The following KCNQ1 variants were observed in gnomAD, a reference collection of about 807,000 sequenced individuals.
The protein encoded by KCNQ1 is potassium voltage-gated channel subfamily Q member 1, also known as potassium voltage-gated channel subfamily KQT member 1.
In KCNQ1, 49 loss-of-function variants were observed where a neutral mutation model predicts 72.4. The observed-to-expected ratio is 0.68, with a 90% CI of 0.54 to 0.86. The LOEUF (loss-of-function observed/expected upper bound fraction) is 0.86, where lower values mean the gene tolerates loss of function less well. Ranked by LOEUF, KCNQ1 falls within the 40% of genes least tolerant of loss-of-function variation. The probability of loss-of-function intolerance (pLI) is 0.00; values close to 1 mark genes in which losing one functional copy is unlikely to be tolerated. For synonymous variants in KCNQ1, 450 were observed against 412.6 expected (o/e 1.09, Z -1.10); for missense variants, 790 against 945.1 (o/e 0.84, Z 2.15).
chr11:2,510,313 G>T (rs1389076681), intron 1 of KCNQ1, among the ~76,000 whole-genome samples: 3 of 151,698 alleles, frequency 2.0e-5, no homozygotes, highest in African/African-American at 7.3e-5. Context: ...ATAAATAAAG[G>T]TTTGTTGGAC....
At chr11:2,597,007 G>A (rs917894710) in intron 10 of KCNQ1, among the ~76,000 whole-genome samples, 1 of 152,044 alleles carries the variant, frequency 6.6e-6, no homozygotes, top group Admixed American at 6.6e-5. Flanking sequence ...ATATAAAAAC[G>A]CTCTTGTAAA....
intron 13 of KCNQ1, among the ~76,000 whole-genome samples, chr11:2,776,287 G>A (rs927380997): frequency 1.3e-5 from 2 of 152,144 alleles, no homozygotes; most frequent in African/African-American, 4.8e-5. Context: ...CCGGATCTGA[G>A]ATGATGGGGG....
At chr11:2,806,779 C>T (rs1239130198) in intron 15 of KCNQ1, among the ~76,000 whole-genome samples, 1 of 152,238 alleles carries the variant, frequency 6.6e-6, no homozygotes, top group Non-Finnish European at 1.5e-5. Flanking sequence ...CCCACCTGAC[C>T]CCTCCCCGCC....
intron 1 of KCNQ1, among the ~76,000 whole-genome samples, chr11:2,448,107 A>G (rs1244669256): frequency 6.6e-6 from 1 of 152,188 alleles, no homozygotes; most frequent in Non-Finnish European, 1.5e-5. Flanking sequence ...GGGGGTCCAT[A>G]CAGCCCTGCT....
chr11:2,846,246 G>A (rs1013111871), intron 15 of KCNQ1, among the ~76,000 whole-genome samples: 72 of 152,224 alleles, frequency 4.7e-4, no homozygotes, highest in Non-Finnish European at 8.8e-4. Context: ...AGGGCCAGTG[G>A]TTGACGTTGC....
Position 2,803,165 on chromosome 11 carries a change from C to G in KCNQ1, c.1794+25128C>G, listed in dbSNP as rs965141321. On this transcript the variant is annotated intron_variant, in intron 15 of 15. Coordinates refer to ENST00000155840, the MANE Select transcript of KCNQ1 (RefSeq NM_000218.3). This position sits in a 1 kb window ranked among gnomAD's most constrained non-coding sequence, Gnocchi z 6.4. ...GAAAACCCAGCCGGGCCCCCCCCCC[C>G]ACGGGCACCCAGGAACCGCCCTGGC... 6.6e-6 allele frequency among the ~76,000 whole-genome samples: 1 copy of G among 151,928 alleles called. No homozygotes were observed. The highest frequency in any genetic ancestry group is 1.5e-5 in the Non-Finnish European group (1 of 67,992).
chr11:2,649,280 T>C (rs1465657472), intron 10 of KCNQ1: 1 of 398,496 alleles, frequency 2.5e-6, no homozygotes. Flanking sequence ...TTGTATACTT[T>C]TGTTTCCTCT....
At chr11:2,806,328 C>CG (rs1847373038) in intron 15 of KCNQ1, among the ~76,000 whole-genome samples, 1 of 152,074 alleles carries the variant, frequency 6.6e-6, no homozygotes, top group South Asian at 2.1e-4. Context: ...GAGGGAGGTA[C>CG]GCAGGGAGGC....
chr11:2,792,040 C>T (rs1352306046), intron 15 of KCNQ1, among the ~76,000 whole-genome samples: 2 of 152,138 alleles, frequency 1.3e-5, no homozygotes, highest in African/African-American at 4.8e-5. Flanking sequence ...TTTGGGTTGG[C>T]AACCTGAGCC....
Position 2,620,199 on chromosome 11 carries a change from G to GTATA in KCNQ1, c.1393+31355_1393+31358dup, listed in dbSNP as rs140322945. 7.3e-3 allele frequency: 2,164 copies of GTATA among 295,246 alleles called. 43 individuals carry two copies. The highest frequency in any genetic ancestry group is 0.057 in the African/African-American group (1,752 of 30,680). The allele number at this position is 295,246 out of a possible 1,614,324, so 18.3% of individuals were successfully genotyped here. ...CTGCAAAGGACGTAAGTTCATTCAT[G>GTATA]TATATATATATATTTTTTTTTTTTA... is the stretch of plus-strand genomic sequence containing the variant. On this transcript the variant is annotated intron_variant, in intron 10 of 15. Coordinates refer to ENST00000155840, the MANE Select transcript of KCNQ1 (RefSeq NM_000218.3). The surrounding 1 kb of genome is among the most constrained non-coding windows in gnomAD (Gnocchi z 4.5).
At chr11:2,656,093 G>A in intron 10 of KCNQ1, 3 of 398,666 alleles carry the variant, frequency 7.5e-6, no homozygotes, top group Non-Finnish European at 4.4e-6. Flanking sequence ...CATCATGGGT[G>A]TTTGGAAAGC....
intron 1 of KCNQ1, among the ~76,000 whole-genome samples, chr11:2,466,268 G>T (rs1846350285): frequency 6.6e-6 from 1 of 152,180 alleles, no homozygotes; most frequent in Non-Finnish European, 1.5e-5. Context: ...ATCTCCAAAG[G>T]GGAGGTGACA....
rs541626742 is a variant in KCNQ1, at chr11:2,668,602, T to C, written c.1514+6521T>C. 1.3e-5 allele frequency: 5 copies of C among 398,664 alleles called. No homozygotes were observed. Among genetic ancestry groups the C allele is most frequent in the African/African-American group, 1.0e-4 (5 of 48,756 alleles). The allele number at this position is 398,664 out of a possible 1,614,324, so 24.7% of individuals were successfully genotyped here. A position where few individuals can be genotyped will look rare whatever the true frequency, so the allele number is the denominator to read the frequency against. On this transcript the variant is annotated intron_variant, in intron 11 of 15. Transcript: ENST00000155840. The surrounding 1 kb of genome is among the most constrained non-coding windows in gnomAD (Gnocchi z 4.3). ...AGTCAGATACATCATTCTGTATAAATTGCCTACATCTTCTGCCTGTTTTAT... is the reference window on the plus strand; with the variant it reads ...AGTCAGATACATCATTCTGTATAAACTGCCTACATCTTCTGCCTGTTTTAT...
chr11:2,778,370 C>T (rs1846751829), intron 15 of KCNQ1, among the ~76,000 whole-genome samples: 1 of 152,264 alleles, frequency 6.6e-6, no homozygotes, highest in Admixed American at 6.5e-5. Flanking sequence ...AGCCTCCTGG[C>T]TGTGTCCTGA....
Position 2,498,102 on chromosome 11 carries a change from C to G in KCNQ1, c.387-29826C>G, listed in dbSNP as rs548192852. 2.0e-5 allele frequency among the ~76,000 whole-genome samples: 3 copies of G among 152,318 alleles called. No homozygotes were observed. The highest frequency in any genetic ancestry group is 2.9e-5 in the Non-Finnish European group (2 of 68,034). On this transcript the variant is annotated intron_variant, in intron 1 of 15. Transcript: ENST00000155840. This position sits in a 1 kb window ranked among gnomAD's most constrained non-coding sequence, Gnocchi z 4.8. ...ACCAGAGCTCTCCTGTTTGAGGTGTCTGTTGACCCCTGTTGGGAGGTCTTG... is the reference window on the plus strand; with the variant it reads ...ACCAGAGCTCTCCTGTTTGAGGTGTGTGTTGACCCCTGTTGGGAGGTCTTG...
At chr11:2,631,659 A>G (rs992712927) in intron 10 of KCNQ1, 2 of 398,408 alleles carry the variant, frequency 5.0e-6, no homozygotes, top group African/African-American at 2.1e-5. Context: ...TCTTGTTACA[A>G]TGAATTGAAA....
At chr11:2,699,762 C>T (rs534297552) in intron 11 of KCNQ1, 12 of 357,106 alleles carry the variant, frequency 3.4e-5, no homozygotes, top group Non-Finnish European at 9.5e-6. Flanking sequence ...AAGAGCGCCG[C>T]GCTGAGGAGC....
At position 2,645,603 on chromosome 11, in the gene KCNQ1, GT is replaced by G. The variant is rs1358744105; in HGVS notation, c.1394-16357del. ...TGGGCAATGCATGCTTCGGCCCCAG[GT>G]GGTGACTATGGGCAGGGTCACCTTT... On this transcript the variant is annotated intron_variant, in intron 10 of 15. Coordinates refer to ENST00000155840, the MANE Select transcript of KCNQ1 (RefSeq NM_000218.3). The surrounding 1 kb of genome is among the most constrained non-coding windows in gnomAD (Gnocchi z 5.8). 4 of 398,642 alleles carry G rather than the reference GT, an allele frequency of 1.0e-5. No individual in the cohort carries two copies. The highest frequency in any genetic ancestry group is 8.8e-5 in the Admixed American group (2 of 22,720). The allele number at this position is 398,642 out of a possible 1,614,324, so 24.7% of individuals were successfully genotyped here. A position where few individuals can be genotyped will look rare whatever the true frequency, so the allele number is the denominator to read the frequency against.
At chr11:2,770,965 T>A (rs1590078205) in intron 12 of KCNQ1, among the ~76,000 whole-genome samples, 1 of 152,302 alleles carries the variant, frequency 6.6e-6, no homozygotes, top group South Asian at 2.1e-4. Context: ...GGCCAGGGTG[T>A]GTCAGTTCGC....
Sources: allele counts gnomAD v4.1 joint callset (sites outside exome capture counted in the v4.1 genomes callset), GRCh38; gene constraint gnomAD v4.1.1; non-coding constraint Gnocchi (gnomAD v3.1); transcripts MANE v1.5; gene names NCBI Gene and HGNC (gene_info 2026-07-23, HGNC 2026-07-21).